Variants in ARHGEF28 observed in about 807,000 individuals in gnomAD.
ARHGEF28 encodes the protein 190 kDa guanine nucleotide exchange factor.
In ARHGEF28, 152 loss-of-function variants were observed where a neutral mutation model predicts 206.6. That is an observed-to-expected ratio of 0.74 (90% confidence interval 0.64 to 0.84). The LOEUF (loss-of-function observed/expected upper bound fraction) is 0.84. Ranked by LOEUF, ARHGEF28 falls within the 40% of genes least tolerant of loss-of-function variation. ARHGEF28 has a pLI of 0.00. For missense variants in ARHGEF28, 2,028 were observed against 2,073.2 expected (o/e 0.98, Z 0.42); for synonymous variants, 763 against 776.4 (o/e 0.98, Z 0.29).
rs1344486183 is a variant in ARHGEF28, at chr5:73,790,427, A to G, written c.911-3975A>G. Reference sequence around the variant, plus strand: ...TTCTGAAACAATATAGAATAGAAATATAAAAATGATATGCCAAGGAGCACA... The same window carrying G: ...TTCTGAAACAATATAGAATAGAAATGTAAAAATGATATGCCAAGGAGCACA... On this transcript the variant is annotated intron_variant, in intron 7 of 35. Coordinates refer to ENST00000513042, the MANE Select transcript of ARHGEF28 (RefSeq NM_001177693.2). Among the ~76,000 whole-genome samples, 2 of 152,214 alleles carry G rather than the reference A, an allele frequency of 1.3e-5. 1 individual carries two copies. The highest frequency in any genetic ancestry group is 1.3e-4 in the Admixed American group (2 of 15,282).
chr5:73,853,702 A>G (rs1217574925), intron 14 of ARHGEF28, among the ~76,000 whole-genome samples: 2 of 152,194 alleles, frequency 1.3e-5, no homozygotes, highest in African/African-American at 4.8e-5. Context: ...AATATTGAAC[A>G]TTTGTATGTG....
intron 2 of ARHGEF28, among the ~76,000 whole-genome samples, chr5:73,748,049 G>A (rs1580562248): frequency 6.6e-6 from 1 of 152,256 alleles, no homozygotes; most frequent in African/African-American, 2.4e-5. Flanking sequence ...TCACGAACAG[G>A]TCAGGTCAGA....
chr5:73,646,467 C>T (rs1475032251), intron 1 of ARHGEF28, among the ~76,000 whole-genome samples: 3 of 152,152 alleles, frequency 2.0e-5, no homozygotes, highest in African/African-American at 7.2e-5. Flanking sequence ...TGCTTTTTTG[C>T]AGCATGTTCC....
intron 1 of ARHGEF28, among the ~76,000 whole-genome samples, chr5:73,655,238 C>T (rs186857781): frequency 6.6e-6 from 1 of 152,304 alleles, no homozygotes. Flanking sequence ...TGAGCTTGCA[C>T]AACAACTAGG....
At chr5:73,918,836 C>CA (rs976958737) in intron 35 of ARHGEF28, among the ~76,000 whole-genome samples, 17 of 150,636 alleles carry the variant, frequency 1.1e-4, no homozygotes, top group African/African-American at 1.7e-4. Context: ...CTGTGGTGAA[C>CA]AAAAAAAAAT....
At chr5:73,827,871 T>C (rs1388497433) in intron 9 of ARHGEF28, 1 of 152,258 alleles carries the variant, frequency 6.6e-6, no homozygotes, top group Non-Finnish European at 1.5e-5. Context: ...TATTTCTATA[T>C]GCTCATTGAA....
intron 2 of ARHGEF28, among the ~76,000 whole-genome samples, chr5:73,687,263 T>C (rs986915850): frequency 3.3e-5 from 5 of 152,112 alleles, no homozygotes; most frequent in Non-Finnish European, 7.4e-5. Flanking sequence ...AAAGGTCTTT[T>C]AATAAATATA....
intron 2 of ARHGEF28, among the ~76,000 whole-genome samples, chr5:73,741,914 G>A (rs571274572): frequency 6.6e-6 from 1 of 152,246 alleles, no homozygotes; most frequent in Non-Finnish European, 1.5e-5. Context: ...AAAGAGGCCT[G>A]TTAAAGTTTC....
At chr5:73,680,512 G>A (rs891247514) in intron 1 of ARHGEF28, among the ~76,000 whole-genome samples, 1 of 150,978 alleles carries the variant, frequency 6.6e-6, no homozygotes, top group African/African-American at 2.4e-5. Context: ...AAAATGATGG[G>A]TTTTGGATGG....
chr5:73,683,947 T>G (rs1561331531), intron 1 of ARHGEF28, among the ~76,000 whole-genome samples: 1 of 152,018 alleles, frequency 6.6e-6, no homozygotes, highest in Non-Finnish European at 1.5e-5. Flanking sequence ...GGTTTCCATA[T>G]GTGTGGAAAC....
chr5:73,794,328 T>C (rs1754663789), intron 7 of ARHGEF28, 74 bp from the exon 8 acceptor site: 1 of 1,244,778 alleles, frequency 8.0e-7, no homozygotes, highest in African/African-American at 2.2e-5. Context: ...TCATTTACAC[T>C]TGTCAGCTAG....
intron 21 of ARHGEF28, among the ~76,000 whole-genome samples, chr5:73,871,560 G>A (rs1253461478): frequency 6.6e-6 from 1 of 152,224 alleles, no homozygotes; most frequent in African/African-American, 2.4e-5. Flanking sequence ...TGGTGCACCT[G>A]TAAATTGTGA....
At chr5:73,902,335 G>A (rs1452884932) in intron 31 of ARHGEF28, 1 of 152,086 alleles carries the variant, frequency 6.6e-6, no homozygotes, top group African/African-American at 2.4e-5. Context: ...GAAGTTTGTG[G>A]TGTCCAACTG....
intron 35 of ARHGEF28, among the ~76,000 whole-genome samples, chr5:73,914,559 G>T (rs1033452717): frequency 2.6e-5 from 4 of 151,502 alleles, no homozygotes; most frequent in African/African-American, 7.3e-5. Context: ...ATCACACCTG[G>T]CTGATTTTTG....
chr5:73,836,783 A>G (rs1294718429), intron 10 of ARHGEF28, among the ~76,000 whole-genome samples: 5 of 151,938 alleles, frequency 3.3e-5, no homozygotes, highest in Non-Finnish European at 5.9e-5. Context: ...TAGGAGTTTT[A>G]TGGTCTCAGG....
intron 1 of ARHGEF28, among the ~76,000 whole-genome samples, chr5:73,627,729 T>C (rs1322024945): frequency 6.6e-6 from 1 of 152,236 alleles, no homozygotes; most frequent in Non-Finnish European, 1.5e-5. Flanking sequence ...ATTGGGCTGA[T>C]TAACTTTGAT....
At position 73,904,391 on chromosome 5, in the gene ARHGEF28, T is replaced by G; in HGVS notation, c.4147T>G (p.Leu1383Val). 1 of 1,611,796 alleles carries G rather than the reference T, an allele frequency of 6.2e-7. No individual in the cohort carries two copies. The highest frequency in any genetic ancestry group is 1.1e-5 in the South Asian group (1 of 90,890). The change falls in exon 33 of 36, where the codon TTA (leucine) becomes GTA (valine). Residue 1383 changes from leucine (L) to valine (V), a missense_variant. Physicochemically the swap from Leu to Val is conservative, Grantham distance 32. Coordinates refer to ENST00000513042, the MANE Select transcript of ARHGEF28 (RefSeq NM_001177693.2). ...IQAIQNLTRL[L>V]YSLQAALTIQ... is the part of the protein sequence containing the mutation. Reference sequence around the variant, plus strand: ...AGCCATACAGAATTTAACCCGTCTCTTATACAGCCTTCAGGTAACTATCCT... The same window carrying G: ...AGCCATACAGAATTTAACCCGTCTCGTATACAGCCTTCAGGTAACTATCCT...
chr5:73,808,206 A>G lies in ARHGEF28; in HGVS notation c.1024+12815A>G, dbSNP rs530201327. On this transcript the variant is annotated intron_variant, in intron 9 of 35. Transcript: ENST00000513042. ...CATGCTCCCGATTCATGTCTATTTT[A>G]TGTGAATTCAATTTTATGGGCTCTG... Among the ~76,000 whole-genome samples, 7 of 152,014 alleles carry G rather than the reference A, an allele frequency of 4.6e-5. No homozygotes were observed. In the East Asian group the frequency reaches 9.7e-4, roughly 21 times the overall value.
At chr5:73,701,567 T>C (rs1026988367) in intron 2 of ARHGEF28, among the ~76,000 whole-genome samples, 1 of 152,192 alleles carries the variant, frequency 6.6e-6, no homozygotes, top group Non-Finnish European at 1.5e-5. Flanking sequence ...TCAGCTTTCA[T>C]CGATGAGTAG....
Sources: gnomAD v4.1 joint callset for allele counts (sites outside exome capture counted in the v4.1 genomes callset) on GRCh38, gnomAD v4.1.1 for gene constraint, MANE v1.5 for transcripts, NCBI Gene and HGNC (gene_info 2026-07-23, HGNC 2026-07-21) for gene names.